HSPA14: variants seen among roughly 807,000 people sequenced by gnomAD.
HSPA14 encodes the protein heat shock 70 kDa protein 14.
In HSPA14, 37 loss-of-function variants were observed where a neutral mutation model predicts 65.5. The ratio of observed to expected loss-of-function variants is 0.56; its 90% CI spans 0.43 to 0.74. The LOEUF (loss-of-function observed/expected upper bound fraction) is 0.74, where lower values mean the gene tolerates loss of function less well. HSPA14 is among the 30% of genes least tolerant of loss of function. The pLI is 0.00. For missense variants in HSPA14, 564 were observed against 607.6 expected (o/e 0.93, Z 0.75); for synonymous variants, 203 against 214.2 (o/e 0.95, Z 0.46).
At chr10:14,849,832 T>TTAC (rs1484860293) in intron 6 of HSPA14, 21 bp downstream of exon 6, 8 of 1,447,930 alleles carry the variant, frequency 5.5e-6, no homozygotes, top group Non-Finnish European at 7.7e-6. Flanking sequence ...GGGGTTTATC[T>TTAC]TACTGGCTTA....
rs180922721 is a variant in HSPA14 at position 14,854,376 on chromosome 10, G to A, written c.890+96G>A. 273 of 1,022,204 alleles carry A rather than the reference G, an allele frequency of 2.7e-4. 2 individuals are homozygous for A. The African/African-American group carries it at 4.3e-3, about 16-fold the overall frequency. The allele number at this position is 1,022,204 out of a possible 1,614,324, so 63.3% of individuals were successfully genotyped here. On this transcript the variant is annotated intron_variant, in intron 9 of 13. Transcript: ENST00000378372. ...CTTTGGGTTTTTTGTTTGTTTGTTT[G>A]AGATTTATCAACCATCTATAATGTC...
In HSPA14 at chr10:14,838,437, C is replaced by T; in HGVS notation, c.35C>T (p.Ser12Leu). ...AAIGVHLGCT[S>L]ACVAVYKDGR... ...ATCGGAGTTCACCTGGGCTGCACCT[C>T]AGCCTGTGTGGCCGTCTATAAGGTG... is the stretch of plus-strand genomic sequence containing the variant. The change falls in exon 1 of 14, where the codon TCA (serine) becomes TTA (leucine). Residue 12 changes from serine (S) to leucine (L), a missense_variant. Physicochemically the swap from Ser to Leu is moderately radical, Grantham distance 145 (BLOSUM62 -2). Coordinates refer to ENST00000378372, the MANE Select transcript of HSPA14 (RefSeq NM_016299.4). 6.2e-7 allele frequency: 1 copy of T among 1,606,500 alleles called. No individual in the cohort carries two copies. The highest frequency in any genetic ancestry group is 8.5e-7 in the Non-Finnish European group (1 of 1,178,478).
Position 14,867,803 on chromosome 10 carries a change from G to GA in HSPA14, c.1276dup (p.Arg426LysfsTer17). The stretch of plus-strand genomic sequence containing the variant: ...CCATCAGGGACTCCTTTGCCAGCTC[G>GA]AAGACAACACACATTGCAAGCCCCT... On this transcript the variant is annotated frameshift_variant, in exon 12 of 14. Transcript: ENST00000378372. LOFTEE classifies it high-confidence loss of function. The GA allele has an allele frequency of 6.2e-7, 1 of 1,614,068 alleles. No individual in the cohort carries two copies. Among genetic ancestry groups the GA allele is most frequent in the East Asian group, 2.2e-5 (1 of 44,870 alleles).
At chr10:14,844,510 TG>T (rs941217569) in intron 3 of HSPA14, 33 of 987,880 alleles carry the variant, frequency 3.3e-5, no homozygotes, top group Non-Finnish European at 8.4e-6. Flanking sequence ...AACCTGTATT[TG>T]TACCTTAATC....
At chr10:14,867,942 T>G (rs1832821619) in intron 12 of HSPA14, 33 bp downstream of exon 12, 2 of 1,552,978 alleles carry the variant, frequency 1.3e-6, no homozygotes, top group African/African-American at 2.7e-5. Context: ...ATTAAACTGT[T>G]CAACTTTGCT....
chr10:14,848,817 T>A lies in HSPA14; in HGVS notation c.298T>A (p.Tyr100Asn). ...CATTGAAAAAAATGGGAAATTACGA[T>A]ATGAAATAGATACTGGAGAAGAAAC... ...LVIEKNGKLR[Y>N]EIDTGEETKF... Residue 100 changes from tyrosine (Y) to asparagine (N), a missense_variant, in exon 5 of 14, where the codon TAT becomes AAT. Transcript: ENST00000378372. 6.3e-7 allele frequency: 1 copy of A among 1,580,588 alleles called. No homozygotes were observed. The highest frequency in any genetic ancestry group is 8.6e-7 in the Non-Finnish European group (1 of 1,156,702).
At chr10:14,866,572 C>T (rs17268499) in intron 10 of HSPA14, among the ~76,000 whole-genome samples, 18,131 of 152,040 alleles carry the variant, frequency 0.12, 1,219 homozygotes, top group Non-Finnish European at 0.15. Flanking sequence ...TGGTACCAGC[C>T]GCTTAAAATG....
At chr10:14,856,682 TGA>T (rs1832699851) in intron 10 of HSPA14, among the ~76,000 whole-genome samples, 1 of 152,116 alleles carries the variant, frequency 6.6e-6, no homozygotes, top group Admixed American at 6.5e-5. Context: ...GGCAACATAG[TGA>T]GACCCTGTCT....
At chr10:14,844,038 C>T (rs988681634) in intron 3 of HSPA14, 3 of 1,441,070 alleles carry the variant, frequency 2.1e-6, no homozygotes, top group Non-Finnish European at 2.7e-6. Context: ...AAAATAATTG[C>T]TAGTTCATTT....
intron 3 of HSPA14, among the ~76,000 whole-genome samples, chr10:14,840,463 T>A (rs1435292318): frequency 6.6e-6 from 1 of 152,174 alleles, no homozygotes; most frequent in African/African-American, 2.4e-5. Context: ...TTTCAAAGAT[T>A]TTGTGGGAAT....
At chr10:14,855,813 G>A in intron 9 of HSPA14, 28 bp from the exon 10 acceptor site, 1 of 1,134,392 alleles carries the variant, frequency 8.8e-7, no homozygotes, top group Non-Finnish European at 1.3e-6. Context: ...GTGTCTGTGT[G>A]TTTCTGTGTG....
At position 14,856,355 on chromosome 10, in the gene HSPA14, G is replaced by A. The variant is rs183244763; in HGVS notation, c.993+412G>A. Among the ~76,000 whole-genome samples, 220 of 152,272 alleles carry A rather than the reference G, an allele frequency of 1.4e-3. 2 individuals carry two copies. Among genetic ancestry groups the A allele is most frequent in the Non-Finnish European group, 4.1e-4 (28 of 68,012 alleles). On this transcript the variant is annotated intron_variant, in intron 10 of 13. Coordinates refer to ENST00000378372, the MANE Select transcript of HSPA14 (RefSeq NM_016299.4). ...TTGTACGTGAAGGCACCAAGGTACA[G>A]AGATTAAGTAGCTTCCTCAAGATCA...
chr10:14,851,181 G>A, intron 6 of HSPA14, 38 bp from the exon 7 acceptor site: 1 of 1,078,594 alleles, frequency 9.3e-7, no homozygotes, highest in Non-Finnish European at 1.4e-6. Context: ...AATTGAACAT[G>A]TGATAAATTA....
In HSPA14 at chr10:14,867,815, C is replaced by T. The variant is rs1264272761; in HGVS notation, c.1286C>T (p.Thr429Ile). The T allele has an allele frequency of 3.1e-6, 5 of 1,613,984 alleles. No individual in the cohort carries two copies. The highest frequency in any genetic ancestry group is 2.2e-5 in the South Asian group (2 of 91,084). Reference sequence around the variant, plus strand: ...CCTTTGCCAGCTCGAAGACAACACACATTGCAAGCCCCTGGAAGCATATCT... The same window carrying T: ...CCTTTGCCAGCTCGAAGACAACACATATTGCAAGCCCCTGGAAGCATATCT... ...GTPLPARRQHTLQAPGSISSV... is the reference protein window; with the variant it reads ...GTPLPARRQHILQAPGSISSV... Residue 429 changes from threonine to isoleucine, a missense_variant, in exon 12 of 14, where the codon ACA (threonine) becomes ATA (isoleucine). Transcript: ENST00000378372.
intron 10 of HSPA14, among the ~76,000 whole-genome samples, chr10:14,865,173 GTTT>G (rs1016627688): frequency 5.3e-5 from 8 of 152,112 alleles, no homozygotes; most frequent in African/African-American, 1.9e-4. Flanking sequence ...GGGGCTGTTT[GTTT>G]TTTTCTTGTA....
intron 6 of HSPA14, among the ~76,000 whole-genome samples, chr10:14,850,528 T>A (rs1053721010): frequency 1.3e-5 from 2 of 152,234 alleles, no homozygotes; most frequent in African/African-American, 4.8e-5. Flanking sequence ...ATTGGTGTGC[T>A]TTTATGCCTT....
In HSPA14 at chr10:14,848,476, T is replaced by C. The variant is rs570486307; in HGVS notation, c.222-133T>C. ...TGTAATATTTGAAGACTTTTAGTATTAAGCAGCTTAATAACTTTGTTAATA... is the reference window on the plus strand; with the variant it reads ...TGTAATATTTGAAGACTTTTAGTATCAAGCAGCTTAATAACTTTGTTAATA... On this transcript the variant is annotated intron_variant, in intron 3 of 13. Coordinates refer to ENST00000378372, the MANE Select transcript of HSPA14 (RefSeq NM_016299.4). 1.3e-5 allele frequency: 8 copies of C among 596,728 alleles called. No individual in the cohort carries two copies. The East Asian group carries it at 2.3e-4, about 17-fold the overall frequency. 37.0% of individuals were successfully genotyped at this position (596,728 alleles called of 1,614,324 possible).
chr10:14,848,279 C>T (rs1834078266), intron 3 of HSPA14, among the ~76,000 whole-genome samples: 1 of 152,106 alleles, frequency 6.6e-6, no homozygotes, highest in Non-Finnish European at 1.5e-5. Context: ...TCTTCAGAAT[C>T]ATAGGTGTGA....
intron 3 of HSPA14, chr10:14,846,892 C>T: frequency 1.0e-6 from 1 of 985,430 alleles, no homozygotes; most frequent in Non-Finnish European, 1.2e-6. Context: ...TAACTGCCTC[C>T]TCAAGTCCAT....
Sources: gnomAD v4.1 joint callset for allele counts (sites outside exome capture counted in the v4.1 genomes callset) on GRCh38, gnomAD v4.1.1 for gene constraint, MANE v1.5 for transcripts, NCBI Gene and HGNC (gene_info 2026-07-23, HGNC 2026-07-21) for gene names.